The following NDRG4 variants were observed in gnomAD, a reference collection of about 807,000 sequenced individuals.
The protein encoded by NDRG4 is NDRG family member 4.
In NDRG4, 38 loss-of-function variants were observed where a neutral mutation model predicts 55.8. The ratio of observed to expected loss-of-function variants is 0.68; its 90% CI spans 0.53 to 0.89. The LOEUF is 0.89. NDRG4 is among the 40% of genes least tolerant of loss of function. The pLI, the probability that NDRG4 is intolerant of heterozygous loss-of-function variation, is 0.00. For synonymous variants in NDRG4, 190 were observed against 182.7 expected, an observed-to-expected ratio of 1.04 and a Z score of -0.32; for missense variants, 455 against 468.6, an observed-to-expected ratio of 0.97 and a Z score of 0.27.
chr16:58,491,084 C>G (rs570832222), intron 2 of NDRG4, among the ~76,000 whole-genome samples: 2 of 152,238 alleles, frequency 1.3e-5, no homozygotes, highest in South Asian at 4.1e-4. Flanking sequence ...CGAGACCAGC[C>G]TGACCAACAT....
chr16:58,466,880 G>A (rs75489213), intron 1 of NDRG4, among the ~76,000 whole-genome samples: 7,917 of 152,182 alleles, frequency 0.052, 275 homozygotes, highest in African/African-American at 0.091. Context: ...GGCGACACAC[G>A]TGGTTGGGAC....
chr16:58,482,078 G>T (rs1890039948), intron 1 of NDRG4, among the ~76,000 whole-genome samples: 1 of 152,162 alleles, frequency 6.6e-6, no homozygotes, highest in African/African-American at 2.4e-5. Flanking sequence ...GGGTGCAGAG[G>T]CCTGGACATG....
chr16:58,493,766 G>A (rs2036063484), intron 2 of NDRG4, among the ~76,000 whole-genome samples: 1 of 152,218 alleles, frequency 6.6e-6, no homozygotes, highest in African/African-American at 2.4e-5. Context: ...GCAGGGGAAG[G>A]CAAGGCAGAA....
At chr16:58,490,195 G>A (rs1597186269) in intron 2 of NDRG4, among the ~76,000 whole-genome samples, 1 of 152,198 alleles carries the variant, frequency 6.6e-6, no homozygotes, top group Non-Finnish European at 1.5e-5. Flanking sequence ...GGTTTTGATA[G>A]GGCAGATGGT....
intron 1 of NDRG4, among the ~76,000 whole-genome samples, chr16:58,478,791 GT>G (rs1039843005): frequency 4.7e-4 from 70 of 148,094 alleles, no homozygotes; most frequent in Admixed American, 4.1e-3. Flanking sequence ...ACTGGCAGTG[GT>G]TTTTTTTTCT....
chr16:58,476,034 T>C (rs2033575715), intron 1 of NDRG4, among the ~76,000 whole-genome samples: 1 of 152,162 alleles, frequency 6.6e-6, no homozygotes, highest in Non-Finnish European at 1.5e-5. Context: ...TGACCTCAAG[T>C]GATCCACCTG....
At chr16:58,498,852 C>T (rs976759243), upstream of NDRG4, among the ~76,000 whole-genome samples, 8 of 152,176 alleles carry the variant, frequency 5.3e-5, no homozygotes, top group Admixed American at 1.3e-4. Flanking sequence ...AACCCTGATC[C>T]CACTCATAGG....
chr16:58,503,304 T>A (rs1415307730), intron 1 of NDRG4, among the ~76,000 whole-genome samples: 1 of 150,428 alleles, frequency 6.6e-6, no homozygotes, highest in Non-Finnish European at 1.5e-5. Context: ...AGCCTTAGAG[T>A]GGGAGCCAGG....
At chr16:58,473,719 T>C (rs1361341860) in intron 1 of NDRG4, among the ~76,000 whole-genome samples, 1 of 152,126 alleles carries the variant, frequency 6.6e-6, no homozygotes, top group African/African-American at 2.4e-5. Context: ...AGCCACCTCC[T>C]GCACTCCCGC....
intron 12 of NDRG4, 49 bp from the exon 13 acceptor site, chr16:58,509,252 C>G: frequency 2.5e-6 from 4 of 1,613,840 alleles, no homozygotes; most frequent in Non-Finnish European, 2.5e-6. Flanking sequence ...ACCCTACCTG[C>G]TAATCCTAGG....
At chr16:58,495,270 C>T (rs1597227073), upstream of NDRG4, among the ~76,000 whole-genome samples, 1 of 152,324 alleles carries the variant, frequency 6.6e-6, no homozygotes, top group East Asian at 1.9e-4. Context: ...GGCAGGTTGA[C>T]TCTAAAATAG....
chr16:58,487,614 A>C (rs2035252467), intron 1 of NDRG4: 1 of 560,318 alleles, frequency 1.8e-6, no homozygotes, highest in East Asian at 3.2e-5. Flanking sequence ...GGGGGCCCTA[A>C]GTGCCTGAGT....
chr16:58,464,434 A>G lies in NDRG4; in HGVS notation c.-24+637A>G. 7.3e-7 allele frequency: 1 copy of G among 1,365,882 alleles called. No homozygotes were observed. The highest frequency in any genetic ancestry group is 1.8e-5 in the South Asian group (1 of 55,734). The allele number at this position is 1,365,882 out of a possible 1,614,324, so 84.6% of individuals were successfully genotyped here. ...CCGGGCCGCGCCGGGCGCCGAGATG[A>G]AGGTGCTGGGACACCGGCTGGAGCT... On this transcript the variant is annotated intron_variant, in intron 1 of 15. Transcript: ENST00000258187. This position sits in a 1 kb window ranked among gnomAD's most constrained non-coding sequence, Gnocchi z 4.8.
chr16:58,511,921 G>T lies in NDRG4; in HGVS notation c.*345G>T. On this transcript the variant is annotated 3_prime_UTR_variant, in exon 15 of 15. Transcript: ENST00000570248. ...CCCTTGGGCAGGCATGTTTGGAGAT[G>T]AGAGAGGCTTCGAGAGGGTGGGTGC... The T allele has an allele frequency of 2.2e-6, 1 of 450,518 alleles. No homozygotes were observed. Among genetic ancestry groups the T allele is most frequent in the Non-Finnish European group, 4.3e-6 (1 of 230,554 alleles). The allele number at this position is 450,518 out of a possible 1,614,324, so 27.9% of individuals were successfully genotyped here.
intron 1 of NDRG4, chr16:58,502,169 G>A (rs1013979496): frequency 5.2e-6 from 2 of 385,558 alleles, no homozygotes; most frequent in Non-Finnish European, 1.1e-5. Flanking sequence ...CCCTTTCCTA[G>A]CCTCAATTTC....
chr16:58,501,906 C>T (rs962093343), intron 1 of NDRG4: 4 of 443,614 alleles, frequency 9.0e-6, no homozygotes, highest in South Asian at 6.2e-5. Flanking sequence ...CCTGGGCTCT[C>T]GACGTCTGAC....
intron 1 of NDRG4, chr16:58,503,560 G>A: frequency 2.6e-6 from 2 of 769,998 alleles, no homozygotes; most frequent in East Asian, 2.7e-5. Context: ...GGTTTGCAGA[G>A]AGGACCAGAC....
At chr16:58,510,614 G>GC (rs1293906287) in intron 13 of NDRG4, 31 bp from the exon 14 acceptor site, 11 of 1,529,086 alleles carry the variant, frequency 7.2e-6, no homozygotes, top group Non-Finnish European at 8.8e-6. Context: ...CCCCATCCCC[G>GC]CCCCCTCTCC....
chr16:58,514,450 G>A (rs1297264555), downstream of NDRG4, among the ~76,000 whole-genome samples: 1 of 150,886 alleles, frequency 6.6e-6, no homozygotes, highest in East Asian at 2.1e-4. Context: ...CTGAGTAACA[G>A]ACCAGGCCGC....
Sources: allele counts gnomAD v4.1 joint callset (sites outside exome capture counted in the v4.1 genomes callset), GRCh38; gene constraint gnomAD v4.1.1; non-coding constraint Gnocchi (gnomAD v3.1); transcripts MANE v1.5; gene names NCBI Gene and HGNC (gene_info 2026-07-23, HGNC 2026-07-21).